The following XPO5 variants were observed in gnomAD, a reference collection of about 807,000 sequenced individuals.
XPO5 encodes the protein exportin 5, also known as exportin-5.
Under a neutral mutation model 160.6 loss-of-function variants are expected in XPO5, and 46 were observed. The ratio of observed to expected loss-of-function variants is 0.29; its 90% CI spans 0.23 to 0.37. The LOEUF (loss-of-function observed/expected upper bound fraction) is 0.37. Among genes scored for constraint, XPO5 ranks in the 10% least tolerant of loss-of-function variants. The pLI, the probability that XPO5 is intolerant of heterozygous loss-of-function variation, is 1.00. For synonymous variants in XPO5, 537 were observed against 519.3 expected (o/e 1.03, Z -0.46); for missense variants, 1,090 against 1,463.9 (o/e 0.74, Z 4.17).
intron 9 of XPO5, 60 bp from the exon 10 acceptor site, chr6:43,561,067 C>T: frequency 1.5e-6 from 2 of 1,352,950 alleles, no homozygotes; most frequent in East Asian, 2.3e-5. Context: ...GAGGAAAAAG[C>T]AGGGAAGTAA....
At chr6:43,524,440 T>C (rs769548575) in intron 31 of XPO5, 31 bp downstream of exon 31, 2 of 1,604,344 alleles carry the variant, frequency 1.2e-6, no homozygotes, top group East Asian at 2.2e-5. Flanking sequence ...AAGAAGGGGG[T>C]TGGGAGCACT....
chr6:43,533,319 T>C (rs1454343425), intron 21 of XPO5: 3 of 152,438 alleles, frequency 2.0e-5, no homozygotes, highest in African/African-American at 7.3e-5. Context: ...GATTTATTTA[T>C]AATTGAATGG....
At chr6:43,561,077 A>AT in intron 9 of XPO5, 70 bp from the exon 10 acceptor site, 1 of 1,227,100 alleles carries the variant, frequency 8.1e-7, no homozygotes, top group Non-Finnish European at 1.2e-6. Context: ...CAGGGAAGTA[A>AT]TAAAAACAGA....
chr6:43,544,566 C>A (rs529432754), intron 20 of XPO5, among the ~76,000 whole-genome samples: 2 of 152,300 alleles, frequency 1.3e-5, no homozygotes, highest in South Asian at 4.1e-4. Flanking sequence ...TGATTAGCTT[C>A]TTGCCCTATG....
intron 21 of XPO5, among the ~76,000 whole-genome samples, chr6:43,532,966 G>A (rs928335736): frequency 6.6e-6 from 1 of 152,094 alleles, no homozygotes; most frequent in African/African-American, 2.4e-5. Flanking sequence ...CCAACATGGT[G>A]AAACCCTGTC....
intron 20 of XPO5, among the ~76,000 whole-genome samples, chr6:43,538,311 G>A (rs1794478737): frequency 1.3e-5 from 2 of 151,566 alleles, no homozygotes; most frequent in African/African-American, 4.8e-5. Context: ...CACCACACCT[G>A]GTTACTTTTT....
chr6:43,542,785 T>C (rs1341337080), intron 20 of XPO5, among the ~76,000 whole-genome samples: 2 of 152,204 alleles, frequency 1.3e-5, no homozygotes, highest in Non-Finnish European at 2.9e-5. Flanking sequence ...TATAAATTAG[T>C]ATAACCACTT....
intron 2 of XPO5, among the ~76,000 whole-genome samples, chr6:43,572,969 A>T (rs1561888925): frequency 6.6e-6 from 1 of 152,230 alleles, no homozygotes; most frequent in Non-Finnish European, 1.5e-5. Flanking sequence ...ACAATTCTGG[A>T]AAAACTATGG....
chr6:43,569,842 G>C (rs112915055), intron 5 of XPO5, among the ~76,000 whole-genome samples: 2,791 of 151,898 alleles, frequency 0.018, 34 homozygotes, highest in South Asian at 0.039. Context: ...CAGCACTTTG[G>C]GAGAGCAAGG....
intron 14 of XPO5, among the ~76,000 whole-genome samples, chr6:43,552,468 T>A (rs1236235264): frequency 1.3e-5 from 2 of 152,130 alleles, no homozygotes; most frequent in Non-Finnish European, 2.9e-5. Flanking sequence ...TTCCTGTACC[T>A]CAGCCTCCCA....
chr6:43,526,434 T>C (rs538275143), intron 27 of XPO5: 27 of 526,686 alleles, frequency 5.1e-5, no homozygotes, highest in Non-Finnish European at 8.2e-5. Flanking sequence ...AGAGGTGACA[T>C]TGGAATAAAG....
chr6:43,548,208 A>G, intron 18 of XPO5, 53 bp downstream of exon 18: 1 of 1,499,836 alleles, frequency 6.7e-7, no homozygotes, highest in Admixed American at 2.1e-5. Flanking sequence ...TAGCTCTTAA[A>G]CCAAAATGGG....
chr6:43,548,137 C>A, intron 18 of XPO5, 124 bp downstream of exon 18: 1 of 996,836 alleles, frequency 1.0e-6, no homozygotes, highest in East Asian at 2.5e-5. Context: ...TAGAGAACTT[C>A]AGATATCATG....
intron 28 of XPO5, 43 bp downstream of exon 28, chr6:43,525,796 A>C: frequency 6.3e-7 from 1 of 1,598,186 alleles, no homozygotes. Context: ...GTGACTCCCC[A>C]CCTGGGCAAG....
intron 27 of XPO5, 191 bp downstream of exon 27, chr6:43,526,494 G>A (rs773687123): frequency 1.6e-6 from 1 of 617,286 alleles, no homozygotes; most frequent in Non-Finnish European, 2.9e-6. Flanking sequence ...CTGAGACAGA[G>A]GAAACAGCAA....
intron 5 of XPO5, among the ~76,000 whole-genome samples, chr6:43,569,245 T>C (rs1395778422): frequency 1.3e-5 from 2 of 150,710 alleles, no homozygotes; most frequent in Admixed American, 6.6e-5. Flanking sequence ...TGAACCAAGA[T>C]TGCACTACTG....
At chr6:43,560,437 T>C (rs1246366718) in intron 10 of XPO5, 134 bp from the exon 11 acceptor site, 1 of 1,149,086 alleles carries the variant, frequency 8.7e-7, no homozygotes, top group Non-Finnish European at 1.2e-6. Context: ...TCTACTGCAA[T>C]TTATCAGTAA....
intron 20 of XPO5, 29 bp downstream of exon 20, chr6:43,546,542 A>G: frequency 6.3e-7 from 1 of 1,582,326 alleles, no homozygotes; most frequent in Non-Finnish European, 8.6e-7. Flanking sequence ...AGTAGAAAAC[A>G]ACAGAGAAAA....
intron 1 of XPO5, among the ~76,000 whole-genome samples, chr6:43,575,236 G>A (rs1370134403): frequency 6.6e-6 from 1 of 152,232 alleles, no homozygotes; most frequent in Non-Finnish European, 1.5e-5. Flanking sequence ...CCCGGAAAAT[G>A]TCCAAGACAC....
Sources: allele counts gnomAD v4.1 joint callset (sites outside exome capture counted in the v4.1 genomes callset), GRCh38; gene constraint gnomAD v4.1.1; transcripts MANE v1.5; gene names NCBI Gene and HGNC (gene_info 2026-07-23, HGNC 2026-07-21).